The following RAVER2 variants were observed in gnomAD, a reference collection of about 807,000 sequenced individuals.
The protein encoded by RAVER2 is ribonucleoprotein, PTB binding 2, also known as ribonucleoprotein PTB-binding 2.
In RAVER2, 46 loss-of-function variants were observed where a neutral mutation model predicts 78.1. The observed-to-expected ratio is 0.59, with a 90% CI of 0.46 to 0.75. RAVER2 has a LOEUF of 0.75. Ranked by LOEUF, RAVER2 falls within the 30% of genes least tolerant of loss-of-function variation. The pLI is 0.00. For missense variants in RAVER2, 793 were observed against 837.5 expected (o/e 0.95, Z 0.66); for synonymous variants, 311 against 313.3 (o/e 0.99, Z 0.08).
chr1:64,754,298 T>C (rs1651788921), intron 1 of RAVER2, among the ~76,000 whole-genome samples: 1 of 152,202 alleles, frequency 6.6e-6, no homozygotes, highest in Non-Finnish European at 1.5e-5. Flanking sequence ...CATTGTATTA[T>C]AATTCCTCTC....
In RAVER2 at chr1:64,777,986, T is replaced by C. The variant is rs746756632; in HGVS notation, c.680T>C (p.Leu227Pro). ...GATGTTAATCTATTGGCTTCAGAGC[T>C]CATTCATTCTAAGTGCCTTTGTATT... Residue 227 changes from leucine to proline, a missense_variant, in exon 3 of 12, where the codon CTC becomes CCC. Leu to Pro is a moderately conservative substitution (Grantham distance 98, BLOSUM62 -3). Coordinates refer to ENST00000294428, the Ensembl canonical transcript of RAVER2. 7 of 1,614,000 alleles carry C rather than the reference T, an allele frequency of 4.3e-6. No individual in the cohort carries two copies. The African/African-American group carries it at 9.3e-5, about 22-fold the overall frequency.
At chr1:64,753,351 G>A (rs1422485801) in intron 1 of RAVER2, among the ~76,000 whole-genome samples, 1 of 151,728 alleles carries the variant, frequency 6.6e-6, no homozygotes, top group Non-Finnish European at 1.5e-5. Flanking sequence ...CACCATGTCT[G>A]GCTTTTTTTA....
chr1:64,799,621 T>C (rs1228049866), intron 5 of RAVER2, among the ~76,000 whole-genome samples: 1 of 152,092 alleles, frequency 6.6e-6, no homozygotes, highest in African/African-American at 2.4e-5. Flanking sequence ...TTTGTATTTT[T>C]TAGTAGAGAC....
intron 1 of RAVER2, among the ~76,000 whole-genome samples, chr1:64,763,316 C>T (rs953281067): frequency 7.2e-5 from 11 of 151,746 alleles, no homozygotes; most frequent in East Asian, 3.9e-4. Context: ...AAAAATTCTA[C>T]GAGTTAATAA....
chr1:64,767,215 T>G (rs745651597), intron 1 of RAVER2, among the ~76,000 whole-genome samples: 1 of 152,088 alleles, frequency 6.6e-6, no homozygotes, highest in African/African-American at 2.4e-5. Context: ...TTCTGTCTTC[T>G]TATTTATTAT....
At chr1:64,823,249 A>T (rs914001482) in intron 11 of RAVER2, among the ~76,000 whole-genome samples, 5 of 152,222 alleles carry the variant, frequency 3.3e-5, no homozygotes, top group African/African-American at 1.2e-4. Flanking sequence ...TTATGAGCAA[A>T]CAGATCAGAT....
chr1:64,824,134 C>G (rs546144089), intron 11 of RAVER2, among the ~76,000 whole-genome samples: 125 of 152,230 alleles, frequency 8.2e-4, no homozygotes, highest in African/African-American at 2.9e-3. Flanking sequence ...TTAACACTTG[C>G]CATATGTGGC....
intron 1 of RAVER2, among the ~76,000 whole-genome samples, chr1:64,748,634 G>A (rs774735822): frequency 2.0e-5 from 3 of 152,160 alleles, no homozygotes; most frequent in Admixed American, 6.5e-5. Context: ...CACAAAAATA[G>A]CATTTAACTC....
intron 9 of RAVER2, among the ~76,000 whole-genome samples, chr1:64,809,201 CAAAGAG>C (rs1459183626): frequency 1.3e-5 from 2 of 152,022 alleles, no homozygotes; most frequent in Non-Finnish European, 2.9e-5. Flanking sequence ...AGCTTTTAAG[CAAAGAG>C]AAAGTTTATT....
At chr1:64,807,045 G>A (rs1653434867) in intron 8 of RAVER2, among the ~76,000 whole-genome samples, 161 bp from the exon 9 acceptor site, 1 of 151,794 alleles carries the variant, frequency 6.6e-6, no homozygotes, top group Non-Finnish European at 1.5e-5. Context: ...TTTCATAAAG[G>A]AACCCACTAA....
intron 11 of RAVER2, among the ~76,000 whole-genome samples, chr1:64,818,627 C>T (rs1282737142): frequency 6.6e-6 from 1 of 152,146 alleles, no homozygotes; most frequent in Non-Finnish European, 1.5e-5. Context: ...CAGGCAGAAA[C>T]GGGAGAATTA....
chr1:64,776,486 T>A (rs920664788), intron 2 of RAVER2, among the ~76,000 whole-genome samples: 1 of 152,178 alleles, frequency 6.6e-6, no homozygotes, highest in Non-Finnish European at 1.5e-5. Flanking sequence ...GGCAGAGAAG[T>A]TTAGTGAAAT....
chr1:64,804,699 A>G, intron 6 of RAVER2, 35 bp from the exon 7 acceptor site: 1 of 1,115,062 alleles, frequency 9.0e-7, no homozygotes. Flanking sequence ...GTAGCTTTTC[A>G]AAATTAAACT....
chr1:64,804,686 C>A (rs536396227), intron 6 of RAVER2, 48 bp from the exon 7 acceptor site: 1 of 937,196 alleles, frequency 1.1e-6, no homozygotes, highest in Non-Finnish European at 1.7e-6. Context: ...GGTTATACAA[C>A]ATGTAGCTTT....
At chr1:64,767,956 T>G (rs1349112740) in intron 1 of RAVER2, among the ~76,000 whole-genome samples, 2 of 151,974 alleles carry the variant, frequency 1.3e-5, no homozygotes, top group African/African-American at 4.8e-5. Flanking sequence ...AGAAGCAGAA[T>G]GAACCATAAA....
At chr1:64,778,177 C>T in intron 3 of RAVER2, 85 bp downstream of exon 3, 1 of 993,714 alleles carries the variant, frequency 1.0e-6, no homozygotes, top group South Asian at 1.9e-5. Context: ...TTTATCATAC[C>T]TGTGTGATTA....
chr1:64,777,778 T>C, exon 3 of RAVER2: 1 of 1,614,058 alleles, frequency 6.2e-7, no homozygotes, highest in Non-Finnish European at 8.5e-7. Context: ...ATCAGAAGAG[T>C]TTGAAGAACT....
At chr1:64,802,290 A>C (rs1653289076) in intron 5 of RAVER2, among the ~76,000 whole-genome samples, 1 of 152,216 alleles carries the variant, frequency 6.6e-6, no homozygotes, top group African/African-American at 2.4e-5. Context: ...CTGGGAATGC[A>C]GCTCAGCAGG....
intron 1 of RAVER2, among the ~76,000 whole-genome samples, chr1:64,750,989 G>A (rs1365984479): frequency 6.6e-6 from 1 of 152,150 alleles, no homozygotes; most frequent in African/African-American, 2.4e-5. Context: ...TTCTAGTTTT[G>A]GAAGAAATTC....
Sources: allele counts gnomAD v4.1 joint callset (sites outside exome capture counted in the v4.1 genomes callset), GRCh38; gene constraint gnomAD v4.1.1; transcripts MANE v1.5; gene names NCBI Gene and HGNC (gene_info 2026-07-23, HGNC 2026-07-21).